Variants in AEBP2 observed in about 807,000 individuals in gnomAD.
The protein encoded by AEBP2 is AE binding protein 2.
A neutral mutation model predicts 50.8 loss-of-function variants in AEBP2; 10 were observed. The observed-to-expected ratio is 0.20, with a 90% CI of 0.12 to 0.33. The LOEUF is 0.33. AEBP2 is among the 10% of genes least tolerant of loss of function. AEBP2 has a pLI of 1.00. For synonymous variants in AEBP2, 296 were observed against 261.3 expected (o/e 1.13, Z -1.28); for missense variants, 570 against 688.0 (o/e 0.83, Z 1.92).
chr12:19,486,476 C>G (rs951114487), intron 3 of AEBP2, among the ~76,000 whole-genome samples: 1 of 152,056 alleles, frequency 6.6e-6, no homozygotes, highest in Non-Finnish European at 1.5e-5. Flanking sequence ...ACTGCAGCCT[C>G]AATCTCCCTG....
At chr12:19,436,157 T>TC (rs1318880304), upstream of AEBP2, among the ~76,000 whole-genome samples, 4 of 152,222 alleles carry the variant, frequency 2.6e-5, no homozygotes, top group Non-Finnish European at 4.4e-5. Context: ...CTGGTCATCG[T>TC]AGCTACTCAT....
In AEBP2 at chr12:19,439,645, C is replaced by T; in HGVS notation, c.-55C>T. ...GGGAGGGGGGCGAGGGAGAGAGAGT[C>T]GAGAGAGGGAGGCGGCGGTGGGGAG... On this transcript the variant is annotated 5_prime_UTR_variant, in exon 1 of 8. Transcript: ENST00000266508. The T allele has an allele frequency of 6.7e-7, 1 of 1,496,290 alleles. No homozygotes were observed. Among genetic ancestry groups the T allele is most frequent in the Non-Finnish European group, 8.9e-7 (1 of 1,128,808 alleles). 92.7% of individuals were successfully genotyped at this position (1,496,290 alleles called of 1,614,324 possible).
At chr12:19,437,738 A>G (rs1947875582), upstream of AEBP2, among the ~76,000 whole-genome samples, 1 of 152,182 alleles carries the variant, frequency 6.6e-6, no homozygotes, top group Non-Finnish European at 1.5e-5. Flanking sequence ...GGAAGTTAAT[A>G]CCTTACATTG....
At chr12:19,425,009 AAAAC>A (rs986679359) in intron 1 of AEBP2, among the ~76,000 whole-genome samples, 163 of 152,210 alleles carry the variant, frequency 1.1e-3, no homozygotes, top group Admixed American at 1.8e-3. Flanking sequence ...ACTCCATCTC[AAAAC>A]AAACAAACAA....
chr12:19,421,685 C>T (rs545362009), intron 1 of AEBP2, among the ~76,000 whole-genome samples: 8 of 152,302 alleles, frequency 5.3e-5, no homozygotes, highest in South Asian at 2.1e-4. Context: ...TGGATGCAAA[C>T]CTTGTCACAT....
At chr12:19,501,270 G>T (rs537435759) in intron 5 of AEBP2, among the ~76,000 whole-genome samples, 1 of 151,172 alleles carries the variant, frequency 6.6e-6, no homozygotes, top group Non-Finnish European at 1.5e-5. Flanking sequence ...GTTGGAGGCT[G>T]CTGTGAGCCG....
Position 19,427,377 on chromosome 12 carries a change from C to CAA in AEBP2, c.-17+23182_-17+23183dup, listed in dbSNP as rs58310486. ...TTTGGCCAACATAGTGAGTCTGTCT[C>CAA]AAAAAAAAAAAAAAAAAAAAAACGC... On this transcript the variant is annotated intron_variant, in intron 1 of 3. Coordinates refer to the AEBP2 transcript ENST00000538425. Among the ~76,000 whole-genome samples the CAA allele has an allele frequency of 5.0e-3, 346 of 69,596 alleles. 1 individual carries two copies. The highest frequency in any genetic ancestry group is 0.042 in the Middle Eastern group (5 of 120). The allele number at this position is 69,596 out of a possible 152,430, so 45.7% of individuals were successfully genotyped here.
chr12:19,463,667 A>ATTTTTTTTTTTTTTTTTTTTTTTTTTTT (rs34007914), intron 2 of AEBP2, among the ~76,000 whole-genome samples: 1 of 84,672 alleles, frequency 1.2e-5, no homozygotes, highest in Non-Finnish European at 2.1e-5. Flanking sequence ...TCATACTTGA[A>ATTTTTTTTTTTTTTTTTTTTTTTTTTTT]TTTTTTTTTT....
chr12:19,425,955 G>A lies in AEBP2; in HGVS notation c.-17+21739G>A, dbSNP rs573093168. Among the ~76,000 whole-genome samples, 583 of 151,884 alleles carry A rather than the reference G, an allele frequency of 3.8e-3. 4 individuals carry two copies. The highest frequency in any genetic ancestry group is 0.013 in the African/African-American group (556 of 41,382). On this transcript the variant is annotated intron_variant, in intron 1 of 3. Coordinates refer to the AEBP2 transcript ENST00000538425. ...TGGTGGGATTTCTGTTTTTCTTTTT[G>A]AGACAGGGTCTTGCTCTGTTTCCCA...
upstream of AEBP2, among the ~76,000 whole-genome samples, chr12:19,436,352 G>A (rs1282656994): frequency 3.3e-5 from 5 of 152,074 alleles, no homozygotes; most frequent in Admixed American, 6.6e-5. Context: ...CTTGTTTAGC[G>A]TATAATCAGG....
chr12:19,515,716 AT>A (rs1471086512), intron 7 of AEBP2, among the ~76,000 whole-genome samples: 1 of 152,032 alleles, frequency 6.6e-6, no homozygotes, highest in African/African-American at 2.4e-5. Flanking sequence ...TCACCTGGAG[AT>A]TTCCTGTAAT....
chr12:19,512,704 G>A (rs934395353), intron 6 of AEBP2, among the ~76,000 whole-genome samples: 1 of 151,426 alleles, frequency 6.6e-6, no homozygotes, highest in East Asian at 1.9e-4. Context: ...GCTCACACCT[G>A]TAATCCCAGC....
In AEBP2 at chr12:19,509,802, T is replaced by A. The variant is rs989399332; in HGVS notation, c.1300-2596T>A. Among the ~76,000 whole-genome samples, 5 of 150,394 alleles carry A rather than the reference T, an allele frequency of 3.3e-5. No individual in the cohort carries two copies. In the East Asian group the frequency reaches 9.8e-4, roughly 29 times the overall value. On this transcript the variant is annotated intron_variant, in intron 5 of 7. Transcript: ENST00000266508. ...GAAAAACCTTTTACTTCGATAATAT[T>A]AGTAACATGGCTACTTTCTTTTTTT... is the stretch of plus-strand genomic sequence containing the variant.
At chr12:19,506,262 G>T (rs1949154833) in intron 5 of AEBP2, among the ~76,000 whole-genome samples, 1 of 151,852 alleles carries the variant, frequency 6.6e-6, no homozygotes, top group African/African-American at 2.4e-5. Context: ...CCCATGCCCA[G>T]CTAATTTTTG....
intron 3 of AEBP2, among the ~76,000 whole-genome samples, chr12:19,476,315 A>C (rs1948649283): frequency 6.6e-6 from 1 of 152,052 alleles, no homozygotes; most frequent in South Asian, 2.1e-4. Context: ...TTTGTTGCAA[A>C]GGGTGTCCTT....
intron 1 of AEBP2, among the ~76,000 whole-genome samples, chr12:19,423,742 G>GA (rs2095747050): frequency 6.6e-6 from 1 of 152,224 alleles, no homozygotes; most frequent in East Asian, 1.9e-4. Flanking sequence ...TCAGGAGGCT[G>GA]AAGCAGGAGA....
At chr12:19,458,262 G>T (rs1376263988) in intron 1 of AEBP2, among the ~76,000 whole-genome samples, 1 of 152,196 alleles carries the variant, frequency 6.6e-6, no homozygotes, top group African/African-American at 2.4e-5. Flanking sequence ...GAGGACCACT[G>T]GTGGCAGCAT....
At chr12:19,486,683 A>G (rs143607406) in intron 3 of AEBP2, among the ~76,000 whole-genome samples, 3 of 152,218 alleles carry the variant, frequency 2.0e-5, no homozygotes, top group Non-Finnish European at 4.4e-5. Context: ...ATGCTCGACC[A>G]TCTTTGGCTA....
At chr12:19,487,520 C>T (rs1948828128) in intron 3 of AEBP2, among the ~76,000 whole-genome samples, 1 of 152,044 alleles carries the variant, frequency 6.6e-6, no homozygotes. Flanking sequence ...GAGTTCGAGA[C>T]CAGTCTGACC....
Sources: allele counts gnomAD v4.1 joint callset (sites outside exome capture counted in the v4.1 genomes callset), GRCh38; gene constraint gnomAD v4.1.1; transcripts MANE v1.5; gene names NCBI Gene and HGNC (gene_info 2026-07-23, HGNC 2026-07-21).